TNRC6A: variants seen among roughly 807,000 people sequenced by gnomAD.
TNRC6A encodes trinucleotide repeat containing adaptor 6A.
In TNRC6A, 44 loss-of-function variants were observed where a neutral mutation model predicts 221.2. The observed-to-expected ratio is 0.20, with a 90% CI of 0.16 to 0.26. The LOEUF (loss-of-function observed/expected upper bound fraction) is 0.26, where lower values mean the gene tolerates loss of function less well. Ranked by LOEUF, TNRC6A falls within the 10% of genes least tolerant of loss-of-function variation. The pLI is 1.00. For synonymous variants in TNRC6A, 847 were observed against 838.5 expected (o/e 1.01, Z -0.18); for missense variants, 2,199 against 2,404.4 (o/e 0.91, Z 1.79).
At chr16:24,738,875 A>G (rs1417845069) in intron 2 of TNRC6A, among the ~76,000 whole-genome samples, 1 of 152,104 alleles carries the variant, frequency 6.6e-6, no homozygotes, top group Non-Finnish European at 1.5e-5. Context: ...TTTGTTTTTG[A>G]GACGGACTCC....
chr16:24,797,984 C>A lies in TNRC6A; in HGVS notation c.3694+18C>A. The stretch of plus-strand genomic sequence containing the variant: ...TTCTGGAGGTAAGAGAAAATTAAAT[C>A]TGTTTATATTCCTCATTGAGGGACA... On this transcript the variant is annotated intron_variant, in intron 11 of 24. Coordinates refer to ENST00000395799, the MANE Select transcript of TNRC6A (RefSeq NM_014494.4). The A allele has an allele frequency of 6.2e-7, 1 of 1,603,484 alleles. No homozygotes were observed. The highest frequency in any genetic ancestry group is 8.5e-7 in the Non-Finnish European group (1 of 1,173,096).
At chr16:24,753,816 A>G (rs897831310) in intron 3 of TNRC6A, among the ~76,000 whole-genome samples, 8 of 152,188 alleles carry the variant, frequency 5.3e-5, no homozygotes, top group Non-Finnish European at 8.8e-5. Flanking sequence ...AAAAGGCCAG[A>G]TATTATCTGT....
At chr16:24,649,595 C>A (rs981761271) in intron 2 of TNRC6A, among the ~76,000 whole-genome samples, 1 of 152,088 alleles carries the variant, frequency 6.6e-6, no homozygotes, top group Non-Finnish European at 1.5e-5. Context: ...AGGCATGAGC[C>A]ACTTCATCCA....
At chr16:24,788,735 G>A (rs1488876318) in intron 5 of TNRC6A, among the ~76,000 whole-genome samples, 3 of 148,602 alleles carry the variant, frequency 2.0e-5, no homozygotes, top group Admixed American at 6.8e-5. Flanking sequence ...TGCAAGCTCC[G>A]CCTCCCGGGT....
intron 4 of TNRC6A, among the ~76,000 whole-genome samples, chr16:24,762,615 A>G (rs965923284): frequency 3.9e-5 from 6 of 152,198 alleles, no homozygotes; most frequent in Admixed American, 2.6e-4. Flanking sequence ...TTGATGTGAG[A>G]GTAGGCCTTC....
chr16:24,799,776 T>G (rs2058295356), intron 11 of TNRC6A, among the ~76,000 whole-genome samples: 1 of 152,236 alleles, frequency 6.6e-6, no homozygotes, highest in Admixed American at 6.5e-5. Context: ...AGGTTGAACC[T>G]CAGCTGCTCT....
intron 2 of TNRC6A, among the ~76,000 whole-genome samples, chr16:24,719,850 A>AG: frequency 6.6e-6 from 1 of 152,158 alleles, no homozygotes; most frequent in East Asian, 1.9e-4. Context: ...CAAAAAAAAA[A>AG]AAAAAAATTT....
At chr16:24,685,941 T>C (rs1351083494) in intron 2 of TNRC6A, among the ~76,000 whole-genome samples, 2 of 152,166 alleles carry the variant, frequency 1.3e-5, no homozygotes, top group Non-Finnish European at 2.9e-5. Context: ...AATGGATTCA[T>C]CCTTCAGCCC....
At chr16:24,646,762 T>C (rs1902312754) in intron 2 of TNRC6A, among the ~76,000 whole-genome samples, 1 of 152,212 alleles carries the variant, frequency 6.6e-6, no homozygotes, top group South Asian at 2.1e-4. Context: ...TGAATAAATA[T>C]ACCCAGGCTA....
At chr16:24,639,927 G>A (rs888064650) in intron 1 of TNRC6A, among the ~76,000 whole-genome samples, 12 of 152,148 alleles carry the variant, frequency 7.9e-5, no homozygotes, top group African/African-American at 2.9e-4. Context: ...AAAGCTCTGG[G>A]ATCACATGCA....
At chr16:24,667,556 G>A (rs1054135009) in intron 2 of TNRC6A, among the ~76,000 whole-genome samples, 2 of 152,174 alleles carry the variant, frequency 1.3e-5, no homozygotes, top group African/African-American at 4.8e-5. Flanking sequence ...ACAGGGAGGG[G>A]AGGAGAACTG....
chr16:24,693,834 C>T (rs1188304553), intron 2 of TNRC6A, among the ~76,000 whole-genome samples: 3 of 149,832 alleles, frequency 2.0e-5, no homozygotes, highest in Non-Finnish European at 3.0e-5. Context: ...CAGGATGTCA[C>T]GGCTGCAGTG....
intron 2 of TNRC6A, among the ~76,000 whole-genome samples, chr16:24,657,812 A>G (rs1328437162): frequency 6.6e-6 from 1 of 152,008 alleles, no homozygotes; most frequent in Non-Finnish European, 1.5e-5. Context: ...TGCTAATAAC[A>G]TTGCATTTTT....
At chr16:24,614,958 A>G (rs1900266992) in intron 1 of TNRC6A, among the ~76,000 whole-genome samples, 2 of 152,180 alleles carry the variant, frequency 1.3e-5, no homozygotes, top group Admixed American at 6.5e-5. Context: ...TCAGCTACTC[A>G]GGAGGCTGAG....
chr16:24,645,834 C>CAAAAAAAAAAAAAAAA lies in TNRC6A; in HGVS notation n.402+4843_402+4858dup, dbSNP rs36106864. 3.9e-3 allele frequency among the ~76,000 whole-genome samples: 103 copies of CAAAAAAAAAAAAAAAA among 26,646 alleles called. 29 individuals are homozygous for CAAAAAAAAAAAAAAAA. Among genetic ancestry groups the CAAAAAAAAAAAAAAAA allele is most frequent in the Non-Finnish European group, 4.7e-3 (66 of 14,088 alleles). 17.5% of individuals were successfully genotyped at this position (26,646 alleles called of 152,430 possible). ...GAAACATGACAAGACCCTGTATCTA[C>CAAAAAAAAAAAAAAAA]AAAAAAAAAAAAAAAAAAAAAAAAA... On this transcript the variant is annotated intron_variant and non_coding_transcript_variant, in intron 2 of 2. Coordinates refer to the TNRC6A transcript ENST00000566108.
intron 1 of TNRC6A, among the ~76,000 whole-genome samples, chr16:24,623,151 G>GAATT (rs1181247627): frequency 8.1e-5 from 11 of 136,384 alleles, no homozygotes; most frequent in Admixed American, 2.3e-4. Flanking sequence ...TAAGTGATAA[G>GAATT]AATTTATTTA....
At chr16:24,634,677 C>T (rs1436219508) in intron 1 of TNRC6A, among the ~76,000 whole-genome samples, 1 of 152,046 alleles carries the variant, frequency 6.6e-6, no homozygotes, top group Non-Finnish European at 1.5e-5. Context: ...AATTGTTATC[C>T]CAGGTCAGCT....
At chr16:24,633,771 A>G (rs1901475649) in intron 1 of TNRC6A, among the ~76,000 whole-genome samples, 1 of 142,742 alleles carries the variant, frequency 7.0e-6, no homozygotes, top group East Asian at 2.1e-4. Context: ...CCATTAAGGT[A>G]TAGAATTTAT....
At chr16:24,690,779 AGAAAATAAGT>A (rs2055738874) in intron 2 of TNRC6A, among the ~76,000 whole-genome samples, 1 of 151,870 alleles carries the variant, frequency 6.6e-6, no homozygotes, top group Admixed American at 6.6e-5. Context: ...ACAACTAAAG[AGAAAATAAGT>A]GAAAATAAGT....
Sources: gnomAD v4.1 joint callset for allele counts (sites outside exome capture counted in the v4.1 genomes callset) on GRCh38, gnomAD v4.1.1 for gene constraint, MANE v1.5 for transcripts, NCBI Gene and HGNC (gene_info 2026-07-23, HGNC 2026-07-21) for gene names.